Variants in AGMO observed in about 807,000 individuals in gnomAD.
AGMO encodes the protein glyceryl-ether monooxygenase.
In AGMO, 75 loss-of-function variants were observed where a neutral mutation model predicts 60.2. The observed-to-expected ratio is 1.25, with a 90% CI of 1.03 to 1.51. The LOEUF is 1.51. Ranked by LOEUF, AGMO falls within the 40% of genes most tolerant of loss-of-function variation. The pLI is 0.00. For synonymous variants in AGMO, 261 were observed against 177.1 expected, an observed-to-expected ratio of 1.47 and a Z score of -3.76; for missense variants, 763 against 525.5, an observed-to-expected ratio of 1.45 and a Z score of -4.42.
At chr7:15,522,936 CA>C (rs1784040857) in intron 3 of AGMO, among the ~76,000 whole-genome samples, 1 of 152,140 alleles carries the variant, frequency 6.6e-6, no homozygotes, top group Non-Finnish European at 1.5e-5. Flanking sequence ...AATATTTTTG[CA>C]ATCTATCCAT....
the AGMO span, among the ~76,000 whole-genome samples, chr7:15,120,952 C>T: frequency 6.6e-6 from 1 of 151,964 alleles, no homozygotes; most frequent in Non-Finnish European, 1.5e-5. Flanking sequence ...AGGTATTTGT[C>T]CTAATGCTCT....
chr7:15,259,011 C>A (rs564698043), intron 12 of AGMO, among the ~76,000 whole-genome samples: 32 of 151,944 alleles, frequency 2.1e-4, no homozygotes, highest in Admixed American at 2.1e-3. Context: ...TGTTTCACAC[C>A]CCCAAAAGAT....
downstream of AGMO, among the ~76,000 whole-genome samples, chr7:15,197,299 A>G (rs1343632759): frequency 6.6e-6 from 1 of 152,180 alleles, no homozygotes; most frequent in African/African-American, 2.4e-5. Context: ...TGTATACCAT[A>G]TGTTAAAGAA....
At position 15,248,568 on chromosome 7, in the gene AGMO, T is replaced by C. The variant is rs143602431; in HGVS notation, c.1264-47209A>G. Among the ~76,000 whole-genome samples the C allele has an allele frequency of 1.7e-3, 261 of 152,160 alleles. 1 individual carries two copies. The highest frequency in any genetic ancestry group is 0.01 in the Middle Eastern group (3 of 294). ...CTTTTGTTCCACCTTTCAAAAGAAA[T>C]TTCTACCTGCTCCTCAACCAAGTTC... On this transcript the variant is annotated intron_variant, in intron 12 of 12. Coordinates refer to ENST00000342526, the MANE Select transcript of AGMO (RefSeq NM_001004320.2).
chr7:15,273,344 A>C (rs551942821), intron 12 of AGMO, among the ~76,000 whole-genome samples: 5 of 152,340 alleles, frequency 3.3e-5, no homozygotes, highest in Admixed American at 3.3e-4. Flanking sequence ...CTTTCTACAT[A>C]TGGCTAGTCA....
chr7:15,318,407 T>C (rs994430140), intron 12 of AGMO, among the ~76,000 whole-genome samples: 1 of 152,146 alleles, frequency 6.6e-6, no homozygotes, highest in African/African-American at 2.4e-5. Flanking sequence ...GATATTCTGC[T>C]TGAATACAGT....
intron 12 of AGMO, among the ~76,000 whole-genome samples, chr7:15,322,698 ATG>A (rs1381074778): frequency 1.8e-4 from 10 of 55,478 alleles, no homozygotes; most frequent in East Asian, 9.5e-4. Context: ...ATATATGAAT[ATG>A]TATAAATATA....
chr7:15,118,046 G>A, the AGMO span, among the ~76,000 whole-genome samples: 1 of 151,644 alleles, frequency 6.6e-6, no homozygotes, highest in Non-Finnish European at 1.5e-5. Context: ...TTTTCTTATT[G>A]CAAACATAAT....
intron 12 of AGMO, among the ~76,000 whole-genome samples, chr7:15,317,275 A>C (rs1411801712): frequency 6.6e-6 from 1 of 152,166 alleles, no homozygotes; most frequent in Non-Finnish European, 1.5e-5. Flanking sequence ...CATTATATCT[A>C]ATGTATATAA....
the AGMO span, among the ~76,000 whole-genome samples, chr7:15,146,092 G>A: frequency 4.3e-4 from 66 of 152,182 alleles, no homozygotes; most frequent in African/African-American, 1.5e-3. Context: ...TTCACTCAAA[G>A]TGTAGCTAAC....
At chr7:15,198,236 A>AGAGAGAGG (rs1781178143), downstream of AGMO, among the ~76,000 whole-genome samples, 15 of 115,770 alleles carry the variant, frequency 1.3e-4, no homozygotes, top group Non-Finnish European at 2.3e-4. Flanking sequence ...AGAGAGAGAG[A>AGAGAGAGG]GAGAGAGAGA....
intron 12 of AGMO, among the ~76,000 whole-genome samples, chr7:15,291,750 T>C (rs1021056001): frequency 2.0e-5 from 3 of 152,108 alleles, no homozygotes; most frequent in Non-Finnish European, 4.4e-5. Context: ...AAATGCATCG[T>C]AGAAACATCA....
chr7:15,319,973 A>C (rs551698037), intron 12 of AGMO, among the ~76,000 whole-genome samples: 2 of 152,238 alleles, frequency 1.3e-5, no homozygotes, highest in East Asian at 3.9e-4. Flanking sequence ...ACATGGATGA[A>C]GCTGGAAACC....
Position 15,200,557 on chromosome 7 carries a change from A to C in AGMO, c.*728T>G, listed in dbSNP as rs1352155160. 2 of 152,508 alleles carry C rather than the reference A, an allele frequency of 1.3e-5. No individual in the cohort carries two copies. Among genetic ancestry groups the C allele is most frequent in the East Asian group, 3.8e-4 (2 of 5,216 alleles). The allele number at this position is 152,508 out of a possible 1,614,324, so 9.4% of individuals were successfully genotyped here. On this transcript the variant is annotated 3_prime_UTR_variant, in exon 13 of 13. Transcript: ENST00000342526. ...CGCCCAGGCTGGAGTGCAGTGGTGCAATCTCCACTCACTCCAACTTCTGCC... is the reference window on the plus strand; with the variant it reads ...CGCCCAGGCTGGAGTGCAGTGGTGCCATCTCCACTCACTCCAACTTCTGCC...
intron 12 of AGMO, among the ~76,000 whole-genome samples, chr7:15,281,612 C>T (rs1001295682): frequency 6.6e-6 from 1 of 152,092 alleles, no homozygotes; most frequent in African/African-American, 2.4e-5. Flanking sequence ...CCTACTCTTT[C>T]CCTGACAAGA....
chr7:15,355,949 AG>A (rs1782513907), intron 12 of AGMO, among the ~76,000 whole-genome samples: 1 of 146,434 alleles, frequency 6.8e-6, no homozygotes, highest in African/African-American at 2.6e-5. Context: ...ATCACAGAAA[AG>A]GAAACACAAA....
intron 12 of AGMO, among the ~76,000 whole-genome samples, chr7:15,269,033 A>G (rs73060435): frequency 0.021 from 3,243 of 152,134 alleles, 43 homozygotes; most frequent in Middle Eastern, 0.044. Flanking sequence ...TTCTTCTATA[A>G]AGGAACAGAT....
chr7:15,310,490 A>T (rs981124244), intron 12 of AGMO, among the ~76,000 whole-genome samples: 1 of 152,170 alleles, frequency 6.6e-6, no homozygotes, highest in African/African-American at 2.4e-5. Flanking sequence ...CTAAAAAACA[A>T]AATTAAATAA....
intron 12 of AGMO, among the ~76,000 whole-genome samples, chr7:15,223,527 C>G (rs989138029): frequency 3.3e-5 from 5 of 151,898 alleles, no homozygotes; most frequent in African/African-American, 1.2e-4. Flanking sequence ...AGAACAGACA[C>G]ATTTATAGAA....
Sources: gnomAD v4.1 joint callset for allele counts (sites outside exome capture counted in the v4.1 genomes callset) on GRCh38, gnomAD v4.1.1 for gene constraint, MANE v1.5 for transcripts, NCBI Gene and HGNC (gene_info 2026-07-23, HGNC 2026-07-21) for gene names.